The following CCDC30 variants were observed in gnomAD, a reference collection of about 807,000 sequenced individuals.
CCDC30 encodes the protein coiled-coil domain containing 30.
A neutral mutation model predicts 100.2 loss-of-function variants in CCDC30; 70 were observed. The ratio of observed to expected loss-of-function variants is 0.70; its 90% CI spans 0.58 to 0.85. The LOEUF is 0.85. Among genes scored for constraint, CCDC30 ranks in the 40% least tolerant of loss-of-function variants. CCDC30 has a pLI of 0.00. For synonymous variants in CCDC30, 233 were observed against 269.5 expected, an observed-to-expected ratio of 0.86 and a Z score of 1.33; for missense variants, 652 against 771.2, an observed-to-expected ratio of 0.85 and a Z score of 1.83.
chr1:42,564,548 G>A (rs543499968), intron 6 of CCDC30, among the ~76,000 whole-genome samples: 8 of 105,352 alleles, frequency 7.6e-5, no homozygotes, highest in East Asian at 7.4e-4. Context: ...TTACAGGCGT[G>A]AGCCACCACG....
At chr1:42,645,789 CT>C (rs1233159043) in intron 14 of CCDC30, among the ~76,000 whole-genome samples, 4 of 151,932 alleles carry the variant, frequency 2.6e-5, no homozygotes, top group Non-Finnish European at 5.9e-5. Context: ...CATTCTTTTA[CT>C]TATTCATTCA....
chr1:42,562,325 C>T (rs953415365), intron 6 of CCDC30, among the ~76,000 whole-genome samples: 20 of 152,020 alleles, frequency 1.3e-4, no homozygotes, highest in African/African-American at 2.7e-4. Context: ...ATCTTATCTT[C>T]GACAAACCTG....
chr1:42,500,105 C>T (rs993912883), intron 6 of CCDC30: 2 of 1,126,920 alleles, frequency 1.8e-6, no homozygotes, highest in East Asian at 4.9e-5. Flanking sequence ...TAAACTTGAT[C>T]CAACCTCTTT....
chr1:42,548,210 A>C (rs150895841), intron 6 of CCDC30, among the ~76,000 whole-genome samples: 13 of 152,354 alleles, frequency 8.5e-5, no homozygotes, highest in African/African-American at 2.9e-4. Flanking sequence ...GAGTTTGGAC[A>C]GTGGGAAACT....
At chr1:42,481,576 C>CAAAA (rs11312516) in intron 2 of CCDC30, among the ~76,000 whole-genome samples, 1 of 110,638 alleles carries the variant, frequency 9.0e-6, no homozygotes, top group African/African-American at 3.4e-5. Context: ...AACCCTGTCT[C>CAAAA]AAAAAAAAAA....
chr1:42,616,826 C>T (rs1010820321), intron 11 of CCDC30, among the ~76,000 whole-genome samples: 1 of 152,206 alleles, frequency 6.6e-6, no homozygotes, highest in African/African-American at 2.4e-5. Flanking sequence ...ACTGCATCAA[C>T]ATGCTTTCCA....
intron 6 of CCDC30, among the ~76,000 whole-genome samples, chr1:42,557,727 A>ATATTT (rs1645401170): frequency 6.8e-6 from 1 of 148,116 alleles, no homozygotes; most frequent in Non-Finnish European, 1.5e-5. Flanking sequence ...AAATAATAAA[A>ATATTT]TATTTAAAAT....
chr1:42,577,081 C>G lies in CCDC30; in HGVS notation c.698C>G (p.Ser233Ter), dbSNP rs773805083. 1 of 1,614,070 alleles carries G rather than the reference C, an allele frequency of 6.2e-7. No individual in the cohort carries two copies. The highest frequency in any genetic ancestry group is 1.7e-5 in the Admixed American group (1 of 60,024). Reference sequence around the variant, plus strand: ...TTAGACAGCACAAAGATGTGCTCTTCACTCACGGCAGAGTACAAGCACTGT... The same window carrying G: ...TTAGACAGCACAAAGATGTGCTCTTGACTCACGGCAGAGTACAAGCACTGT... The change falls in exon 8 of 17, where the codon TCA becomes TGA. Residue 233 changes from serine (S) to a stop codon, truncating the protein, a stop_gained. Coordinates refer to ENST00000668663, the Ensembl canonical transcript of CCDC30. LOFTEE classifies it high-confidence loss of function.
chr1:42,585,520 G>A (rs1326448656), intron 9 of CCDC30, among the ~76,000 whole-genome samples: 1 of 151,646 alleles, frequency 6.6e-6, no homozygotes, highest in Non-Finnish European at 1.5e-5. Flanking sequence ...TTTCTCTATT[G>A]TTTTCTTGTT....
intron 3 of CCDC30, among the ~76,000 whole-genome samples, chr1:42,485,262 G>A (rs1259922177): frequency 6.6e-6 from 1 of 152,026 alleles, no homozygotes; most frequent in African/African-American, 2.4e-5. Context: ...CATGATCTTG[G>A]GTTAAGCAGT....
At position 42,589,559 on chromosome 1, in the gene CCDC30, C is replaced by T. The variant is rs1646143288; in HGVS notation, c.1164+76C>T. 4 of 1,311,460 alleles carry T rather than the reference C, an allele frequency of 3.1e-6. No homozygotes were observed. The South Asian group carries it at 3.8e-5, about 12-fold the overall frequency. The allele number at this position is 1,311,460 out of a possible 1,614,324, so 81.2% of individuals were successfully genotyped here. On this transcript the variant is annotated intron_variant, in intron 10 of 16. Coordinates refer to ENST00000668663, the Ensembl canonical transcript of CCDC30. ...CAGCTAATTATTATTGAGTGCCTAG[C>T]ACTTTACTAAACCTAATCCTTTAGT...
chr1:42,515,247 C>CTAGGA (rs1644537870), intron 6 of CCDC30, among the ~76,000 whole-genome samples: 2 of 151,200 alleles, frequency 1.3e-5, no homozygotes, highest in African/African-American at 4.9e-5. Context: ...TCATCAGAAG[C>CTAGGA]TAGGAAGAGT....
intron 6 of CCDC30, among the ~76,000 whole-genome samples, chr1:42,554,730 C>T (rs1400520412): frequency 6.6e-6 from 1 of 152,178 alleles, no homozygotes; most frequent in Non-Finnish European, 1.5e-5. Context: ...TGTTCATTCT[C>T]CTTGTCATCC....
chr1:42,462,953 A>G (rs11809687), upstream of CCDC30, among the ~76,000 whole-genome samples: 972 of 152,346 alleles, frequency 6.4e-3, 9 homozygotes, highest in African/African-American at 0.022. Flanking sequence ...GAATGAAGGA[A>G]CTTGTAGAAA....
chr1:42,547,962 T>A (rs1645178069), intron 6 of CCDC30, among the ~76,000 whole-genome samples: 1 of 152,098 alleles, frequency 6.6e-6, no homozygotes, highest in African/African-American at 2.4e-5. Flanking sequence ...GGCTAATGAA[T>A]CAAAAAATAT....
chr1:42,621,721 C>T (rs1287046997), intron 11 of CCDC30, among the ~76,000 whole-genome samples: 1 of 151,950 alleles, frequency 6.6e-6, no homozygotes, highest in African/African-American at 2.4e-5. Context: ...CTGTGTTAGC[C>T]AGGATGGTCG....
chr1:42,477,845 C>T (rs1262680329), intron 1 of CCDC30, among the ~76,000 whole-genome samples: 3 of 152,064 alleles, frequency 2.0e-5, no homozygotes, highest in Admixed American at 6.6e-5. Flanking sequence ...AAAAGGCTTC[C>T]AAAGGAGATT....
exon 6 of CCDC30, chr1:42,498,889 A>G: frequency 8.1e-7 from 1 of 1,233,878 alleles, no homozygotes; most frequent in Non-Finnish European, 1.0e-6. Flanking sequence ...CCCCTGGAAA[A>G]ACTGTGGGTG....
At chr1:42,618,562 C>T (rs1001162398) in intron 11 of CCDC30, among the ~76,000 whole-genome samples, 1 of 152,102 alleles carries the variant, frequency 6.6e-6, no homozygotes. Context: ...TTTTACCAAA[C>T]GTTCCTAGCA....
Sources: allele counts gnomAD v4.1 joint callset (sites outside exome capture counted in the v4.1 genomes callset), GRCh38; gene constraint gnomAD v4.1.1; transcripts MANE v1.5; gene names NCBI Gene and HGNC (gene_info 2026-07-23, HGNC 2026-07-21).